Variants in CNBD1 observed in about 807,000 individuals in gnomAD.
CNBD1 encodes cyclic nucleotide binding domain containing 1, also known as cyclic nucleotide-binding domain-containing protein 1.
CNBD1 carries 71 observed loss-of-function variants against 54.4 expected under a neutral mutation model. The observed-to-expected ratio is 1.30, with a 90% CI of 1.08 to 1.59. The LOEUF is 1.59. Among genes scored for constraint, CNBD1 ranks in the 40% most tolerant of loss-of-function variants. CNBD1 has a pLI of 0.00. For missense variants in CNBD1, 659 were observed against 518.0 expected (o/e 1.27, Z -2.64); for synonymous variants, 182 against 170.7 (o/e 1.07, Z -0.51).
At chr8:86,909,016 A>C (rs530988606) in intron 3 of CNBD1, among the ~76,000 whole-genome samples, 1 of 152,212 alleles carries the variant, frequency 6.6e-6, no homozygotes, top group South Asian at 2.1e-4. Flanking sequence ...TTGGCCTCTC[A>C]AAGTGCTGGG....
At chr8:87,363,840 C>A (rs1810576951) in intron 10 of CNBD1, among the ~76,000 whole-genome samples, 2 of 152,008 alleles carry the variant, frequency 1.3e-5, no homozygotes, top group African/African-American at 4.8e-5. Flanking sequence ...TTTTGCTGTG[C>A]AGAAGCTCTT....
chr8:87,104,023 T>C (rs923158908), intron 4 of CNBD1, among the ~76,000 whole-genome samples: 2 of 152,178 alleles, frequency 1.3e-5, no homozygotes, highest in African/African-American at 4.8e-5. Context: ...ATAGGCCCTG[T>C]TTATTATAGA....
intron 2 of CNBD1, among the ~76,000 whole-genome samples, chr8:87,411,617 G>C (rs555730266): frequency 6.7e-6 from 1 of 148,924 alleles, no homozygotes; most frequent in African/African-American, 2.5e-5. Flanking sequence ...TGACAGTTTT[G>C]TAGTCTTTTC....
intron 4 of CNBD1, among the ~76,000 whole-genome samples, chr8:87,150,453 C>A (rs890749225): frequency 6.6e-6 from 1 of 152,068 alleles, no homozygotes. Context: ...TTTGAATGAG[C>A]TAATATTCCT....
chr8:87,021,926 A>G (rs558718466), intron 4 of CNBD1, among the ~76,000 whole-genome samples: 1 of 152,246 alleles, frequency 6.6e-6, no homozygotes, highest in Admixed American at 6.5e-5. Context: ...TAAAACACAC[A>G]AATATACATT....
chr8:87,267,958 G>C (rs1808295261), intron 6 of CNBD1, among the ~76,000 whole-genome samples: 1 of 152,022 alleles, frequency 6.6e-6, no homozygotes, highest in Admixed American at 6.6e-5. Flanking sequence ...GTAGTATTCT[G>C]TTTGCTTATA....
chr8:86,934,657 T>A (rs969152015), intron 3 of CNBD1, among the ~76,000 whole-genome samples: 1 of 152,230 alleles, frequency 6.6e-6, no homozygotes, highest in Non-Finnish European at 1.5e-5. Context: ...TTTCTCTTTC[T>A]AGTTTGCTAA....
intron 6 of CNBD1, among the ~76,000 whole-genome samples, chr8:87,276,465 T>C (rs1428045906): frequency 3.3e-5 from 5 of 151,828 alleles, no homozygotes; most frequent in Non-Finnish European, 4.4e-5. Context: ...CTGAATAATT[T>C]TGTTACTCAC....
intron 10 of CNBD1, among the ~76,000 whole-genome samples, chr8:87,374,102 C>T (rs1441393624): frequency 6.6e-6 from 1 of 151,546 alleles, no homozygotes; most frequent in Non-Finnish European, 1.5e-5. Context: ...CAAAATAATT[C>T]ATCATAAAAA....
At chr8:87,225,165 G>A (rs1347703785) in intron 5 of CNBD1, among the ~76,000 whole-genome samples, 1 of 149,574 alleles carries the variant, frequency 6.7e-6, no homozygotes, top group Non-Finnish European at 1.5e-5. Flanking sequence ...GGGTTTTCTA[G>A]ATATACAATC....
intron 8 of CNBD1, among the ~76,000 whole-genome samples, chr8:87,303,543 A>T (rs537722689): frequency 2.2e-4 from 33 of 152,280 alleles, no homozygotes; most frequent in Non-Finnish European, 4.0e-4. Context: ...CCTGGAAGAA[A>T]ACCTAGGCAA....
chr8:86,904,639 C>G (rs1289523734), intron 2 of CNBD1, among the ~76,000 whole-genome samples: 1 of 151,970 alleles, frequency 6.6e-6, no homozygotes, highest in Non-Finnish European at 1.5e-5. Flanking sequence ...ATCTTTTGTT[C>G]TTGTAACATA....
At chr8:87,053,126 C>T (rs1368439153) in intron 4 of CNBD1, among the ~76,000 whole-genome samples, 1 of 152,108 alleles carries the variant, frequency 6.6e-6, no homozygotes, top group Non-Finnish European at 1.5e-5. Context: ...TATGTGCCTG[C>T]CTGATATGAC....
chr8:86,911,918 A>G (rs1809105792), intron 3 of CNBD1, among the ~76,000 whole-genome samples: 1 of 152,198 alleles, frequency 6.6e-6, no homozygotes, highest in Non-Finnish European at 1.5e-5. Flanking sequence ...GAAGTTAAAG[A>G]TCTCTACTAG....
At chr8:87,315,715 C>T (rs529026988) in intron 8 of CNBD1, among the ~76,000 whole-genome samples, 28 of 151,900 alleles carry the variant, frequency 1.8e-4, no homozygotes, top group Non-Finnish European at 3.8e-4. Flanking sequence ...GTAAAATATC[C>T]ATAGCAGCTG....
intron 10 of CNBD1, among the ~76,000 whole-genome samples, chr8:87,378,925 G>A (rs1362350422): frequency 1.3e-5 from 2 of 149,220 alleles, no homozygotes; most frequent in East Asian, 3.9e-4. Context: ...AATTGTGAAT[G>A]GGAGTTCACT....
intron 10 of CNBD1, among the ~76,000 whole-genome samples, chr8:87,357,630 G>A (rs1439568922): frequency 6.6e-6 from 1 of 152,044 alleles, no homozygotes; most frequent in Admixed American, 6.6e-5. Flanking sequence ...CTTGTTTTTG[G>A]TCTTACAGGC....
At chr8:87,022,336 T>C (rs11998241) in intron 4 of CNBD1, among the ~76,000 whole-genome samples, 4,590 of 152,270 alleles carry the variant, frequency 0.03, 238 homozygotes, top group African/African-American at 0.1. Flanking sequence ...TGTGGTTAGC[T>C]GTCTCCAAAC....
At position 87,351,685 on chromosome 8, in the gene CNBD1, T is replaced by C; in HGVS notation, c.1043T>C (p.Val348Ala). Residue 348 changes from valine to alanine, a missense_variant and splice_region_variant, in exon 9 of 11, where the codon GTG becomes GCG. Coordinates refer to ENST00000518476, the MANE Select transcript of CNBD1 (RefSeq NM_173538.3). ...LKWKKFPPGH[V>A]IVESGNIISF... ...AATGAACTATCTCTCTTCTTTTCAGTGATAGTGGAAAGTGGAAATATAATT... is the reference window on the plus strand; with the variant it reads ...AATGAACTATCTCTCTTCTTTTCAGCGATAGTGGAAAGTGGAAATATAATT... 1 of 1,498,158 alleles carries C rather than the reference T, an allele frequency of 6.7e-7. No individual in the cohort carries two copies. Among genetic ancestry groups the C allele is most frequent in the Middle Eastern group, 1.7e-4 (1 of 5,828 alleles). 92.8% of individuals were successfully genotyped at this position (1,498,158 alleles called of 1,614,324 possible).
Sources: gnomAD v4.1 joint callset for allele counts (sites outside exome capture counted in the v4.1 genomes callset) on GRCh38, gnomAD v4.1.1 for gene constraint, MANE v1.5 for transcripts, NCBI Gene and HGNC (gene_info 2026-07-23, HGNC 2026-07-21) for gene names.